Variants in NEGR1 observed in about 807,000 individuals in gnomAD.
NEGR1 encodes neuronal growth regulator 1.
In NEGR1, 10 loss-of-function variants were observed where a neutral mutation model predicts 40.9. The ratio of observed to expected loss-of-function variants is 0.24; its 90% CI spans 0.15 to 0.42. NEGR1 has a LOEUF of 0.42. Ranked by LOEUF, NEGR1 falls within the 10% of genes least tolerant of loss-of-function variation. The pLI is 1.00. For missense variants in NEGR1, 352 were observed against 438.9 expected, an observed-to-expected ratio of 0.80 and a Z score of 1.77; for synonymous variants, 185 against 166.8, an observed-to-expected ratio of 1.11 and a Z score of -0.84.
chr1:71,823,159 T>G (rs902507549), intron 2 of NEGR1, among the ~76,000 whole-genome samples: 3 of 151,618 alleles, frequency 2.0e-5, no homozygotes, highest in Non-Finnish European at 4.4e-5. Context: ...TCCCAATGTA[T>G]AGAGTAATGG....
chr1:71,853,846 G>T (rs1216966601), intron 2 of NEGR1, among the ~76,000 whole-genome samples: 2 of 152,084 alleles, frequency 1.3e-5, no homozygotes, highest in Non-Finnish European at 2.9e-5. Context: ...TTCTCACTTT[G>T]GTTATTAGCA....
intron 1 of NEGR1, among the ~76,000 whole-genome samples, chr1:72,039,205 A>G (rs1485420886): frequency 2.6e-5 from 4 of 152,182 alleles, no homozygotes; most frequent in Middle Eastern, 3.4e-3. Flanking sequence ...ATATAATAAA[A>G]TAATGTCTAT....
chr1:72,233,434 C>T (rs771942706), intron 1 of NEGR1, among the ~76,000 whole-genome samples: 5 of 152,052 alleles, frequency 3.3e-5, no homozygotes, highest in African/African-American at 4.8e-5. Flanking sequence ...AGTTTTTCAG[C>T]CCTGTCCTTC....
intron 2 of NEGR1, among the ~76,000 whole-genome samples, chr1:71,829,463 T>C (rs1055960599): frequency 6.6e-6 from 1 of 151,890 alleles, no homozygotes; most frequent in Non-Finnish European, 1.5e-5. Flanking sequence ...GGTTCTGATA[T>C]ATAATCAGAG....
chr1:71,618,850 A>C (rs975253818), intron 4 of NEGR1, among the ~76,000 whole-genome samples: 1 of 152,176 alleles, frequency 6.6e-6, no homozygotes, highest in Non-Finnish European at 1.5e-5. Context: ...AGCGTTCTAT[A>C]AGGTTTTATT....
rs66558619 is a variant in NEGR1 at position 71,431,566 on chromosome 1, C to CCATTCATTCATTCATT, written c.941-24012_941-23997dup. 1.5e-3 allele frequency among the ~76,000 whole-genome samples: 175 copies of CCATTCATTCATTCATT among 119,172 alleles called. 1 individual carries two copies. The highest frequency in any genetic ancestry group is 4.3e-3 in the African/African-American group (163 of 37,884). The allele number at this position is 119,172 out of a possible 152,430, so 78.2% of individuals were successfully genotyped here. A position where few individuals can be genotyped will look rare whatever the true frequency, so the allele number is the denominator to read the frequency against. ...TCCATCCATCCATCCATCTGTTTATCCATTCATTCATTCATTCATTCATTC... is the reference window on the plus strand; with the variant it reads ...TCCATCCATCCATCCATCTGTTTATCCATTCATTCATTCATTCATTCATTCATTCATTCATTCATTC... On this transcript the variant is annotated intron_variant, in intron 6 of 6. Transcript: ENST00000357731.
At chr1:71,512,312 G>C (rs1402445816) in intron 6 of NEGR1, among the ~76,000 whole-genome samples, 1 of 151,918 alleles carries the variant, frequency 6.6e-6, no homozygotes, top group Non-Finnish European at 1.5e-5. Flanking sequence ...ATAACATAAT[G>C]CTTTACTAAA....
chr1:71,581,861 T>C (rs1001102327), intron 6 of NEGR1, among the ~76,000 whole-genome samples: 2 of 151,856 alleles, frequency 1.3e-5, no homozygotes, highest in African/African-American at 4.8e-5. Context: ...GACAACCACA[T>C]TCAGTTAATT....
chr1:71,981,338 G>A (rs948726434), intron 1 of NEGR1, among the ~76,000 whole-genome samples: 4 of 152,110 alleles, frequency 2.6e-5, no homozygotes, highest in Admixed American at 6.5e-5. Flanking sequence ...GTAGGAGGAC[G>A]CTAGAAGGTC....
chr1:71,479,293 T>C (rs1381522438), intron 6 of NEGR1, among the ~76,000 whole-genome samples: 3 of 151,942 alleles, frequency 2.0e-5, no homozygotes, highest in African/African-American at 7.2e-5. Flanking sequence ...TACTGACTTA[T>C]TCTTGTCTAT....
At chr1:71,827,947 T>A (rs1366649453) in intron 2 of NEGR1, among the ~76,000 whole-genome samples, 7 of 151,818 alleles carry the variant, frequency 4.6e-5, no homozygotes, top group African/African-American at 9.7e-5. Context: ...GTTAAGTAAA[T>A]ACGTATTTCA....
chr1:71,822,767 G>T (rs1358423424), intron 2 of NEGR1, among the ~76,000 whole-genome samples: 3 of 152,100 alleles, frequency 2.0e-5, no homozygotes, highest in African/African-American at 7.2e-5. Context: ...CTCACAGCGT[G>T]TTTGGGCCAC....
intron 1 of NEGR1, among the ~76,000 whole-genome samples, chr1:71,991,772 T>A (rs548993934): frequency 6.6e-6 from 1 of 152,020 alleles, no homozygotes; most frequent in Admixed American, 6.6e-5. Context: ...AATGAATGAA[T>A]GAGTATAGTA....
At chr1:71,573,913 C>G (rs931482295) in intron 6 of NEGR1, among the ~76,000 whole-genome samples, 1 of 152,110 alleles carries the variant, frequency 6.6e-6, no homozygotes, top group Non-Finnish European at 1.5e-5. Context: ...GATACACCTA[C>G]CATTTTTATC....
intron 4 of NEGR1, among the ~76,000 whole-genome samples, chr1:71,688,055 A>T (rs1226827639): frequency 6.6e-6 from 1 of 151,670 alleles, no homozygotes; most frequent in East Asian, 1.9e-4. Flanking sequence ...ATTGATTATC[A>T]GTTACTGTGC....
intron 2 of NEGR1, among the ~76,000 whole-genome samples, chr1:71,850,211 A>G (rs1411526561): frequency 6.6e-6 from 1 of 151,998 alleles, no homozygotes; most frequent in Non-Finnish European, 1.5e-5. Context: ...ACTGGAGTGC[A>G]GTGGTTTGAG....
intron 1 of NEGR1, among the ~76,000 whole-genome samples, chr1:71,983,037 CT>C (rs1646367013): frequency 6.6e-6 from 1 of 151,924 alleles, no homozygotes; most frequent in Admixed American, 6.6e-5. Context: ...CACATGCTAC[CT>C]GGATTTAATA....
intron 1 of NEGR1, among the ~76,000 whole-genome samples, chr1:72,066,910 AG>A (rs1361861110): frequency 6.6e-6 from 1 of 152,180 alleles, no homozygotes. Flanking sequence ...AAAGCCAGAC[AG>A]AATGCTAATG....
chr1:71,481,360 C>T (rs190075239), intron 6 of NEGR1, among the ~76,000 whole-genome samples: 1 of 151,858 alleles, frequency 6.6e-6, no homozygotes, highest in South Asian at 2.1e-4. Context: ...TCTACCATAA[C>T]CATTCTCTTT....
Sources: allele counts gnomAD v4.1 joint callset (sites outside exome capture counted in the v4.1 genomes callset), GRCh38; gene constraint gnomAD v4.1.1; transcripts MANE v1.5; gene names NCBI Gene and HGNC (gene_info 2026-07-23, HGNC 2026-07-21).